SHTN1: variants seen among roughly 807,000 people sequenced by gnomAD.
The protein encoded by SHTN1 is shootin-1.
SHTN1 carries 42 observed loss-of-function variants against 83.1 expected under a neutral mutation model. That is an observed-to-expected ratio of 0.51 (90% CI 0.39 to 0.65). The LOEUF (loss-of-function observed/expected upper bound fraction) is 0.65. Among genes scored for constraint, SHTN1 ranks in the 30% least tolerant of loss-of-function variants. SHTN1 has a pLI of 0.00. For synonymous variants in SHTN1, 224 were observed against 247.7 expected, an observed-to-expected ratio of 0.90 and a Z score of 0.90; for missense variants, 622 against 737.8, an observed-to-expected ratio of 0.84 and a Z score of 1.82.
chr10:117,104,727 T>C (rs946995002), intron 1 of SHTN1, among the ~76,000 whole-genome samples: 1 of 152,112 alleles, frequency 6.6e-6, no homozygotes, highest in African/African-American at 2.4e-5. Flanking sequence ...TGAGCCGAGA[T>C]CGCGCCACTG....
intron 2 of SHTN1, among the ~76,000 whole-genome samples, chr10:117,012,570 C>T (rs1024717711): frequency 6.6e-6 from 1 of 151,698 alleles, no homozygotes; most frequent in Non-Finnish European, 1.5e-5. Context: ...AAAAAGGAGC[C>T]GCAACACATG....
At chr10:116,944,144 A>G (rs1317014818) in intron 8 of SHTN1, among the ~76,000 whole-genome samples, 1 of 152,186 alleles carries the variant, frequency 6.6e-6, no homozygotes, top group Non-Finnish European at 1.5e-5. Context: ...TGATACCATA[A>G]TACTGTTATC....
rs181310547 is a variant in SHTN1 at position 117,023,426 on chromosome 10, T to C, written c.-123+25019A>G. On this transcript the variant is annotated intron_variant, in intron 2 of 17. Coordinates refer to the SHTN1 transcript ENST00000392901. ...TTTAAGGACATGCATACCAGACATA[T>C]ATATATGAAATTCTCTGAATGTGCA... is the stretch of plus-strand genomic sequence containing the variant. 1.2e-3 allele frequency among the ~76,000 whole-genome samples: 182 copies of C among 152,308 alleles called. 1 individual carries two copies. Among genetic ancestry groups the C allele is most frequent in the African/African-American group, 4.2e-3 (174 of 41,566 alleles).
intron 2 of SHTN1, among the ~76,000 whole-genome samples, chr10:117,035,483 T>A (rs1318662068): frequency 6.6e-6 from 1 of 151,694 alleles, no homozygotes; most frequent in Non-Finnish European, 1.5e-5. Context: ...AATAAACAAA[T>A]GGAATCACAA....
intron 9 of SHTN1, among the ~76,000 whole-genome samples, chr10:116,933,681 C>A (rs775974175): frequency 1.3e-5 from 2 of 151,992 alleles, no homozygotes; most frequent in African/African-American, 4.8e-5. Context: ...GGGTATATAC[C>A]CAGTAATGGG....
chr10:116,968,800 G>T, intron 2 of SHTN1, 88 bp from the exon 3 acceptor site: 1 of 983,386 alleles, frequency 1.0e-6, no homozygotes, highest in Non-Finnish European at 1.5e-6. Flanking sequence ...ATAAACAACA[G>T]CAATTTTCTG....
At chr10:116,991,803 C>T (rs775865485) in intron 1 of SHTN1, among the ~76,000 whole-genome samples, 5 of 152,112 alleles carry the variant, frequency 3.3e-5, no homozygotes, top group Non-Finnish European at 5.9e-5. Flanking sequence ...TCTTTCTCTC[C>T]TAAGCTAAAA....
chr10:116,915,365 C>T lies in SHTN1; in HGVS notation c.1305+10G>A, dbSNP rs1250304533. The T allele has an allele frequency of 5.1e-6, 7 of 1,368,932 alleles. No individual in the cohort carries two copies. Among genetic ancestry groups the T allele is most frequent in the African/African-American group, 2.9e-5 (2 of 69,180 alleles). The allele number at this position is 1,368,932 out of a possible 1,614,324, so 84.8% of individuals were successfully genotyped here. A position where few individuals can be genotyped will look rare whatever the true frequency, so the allele number is the denominator to read the frequency against. On this transcript the variant is annotated intron_variant, in intron 13 of 16. Coordinates refer to ENST00000355371, the MANE Select transcript of SHTN1 (RefSeq NM_001127211.3). ...TCAAACAGGGAAAAAAGCATTCAGT[C>T]ACTCCATACCTTTGTCTTCGGTCTG...
chr10:117,116,976 C>T (rs997529207), intron 1 of SHTN1, among the ~76,000 whole-genome samples: 5 of 152,042 alleles, frequency 3.3e-5, no homozygotes, highest in African/African-American at 9.7e-5. Flanking sequence ...AACTGAAGGC[C>T]TTTCCTCTAA....
intron 7 of SHTN1, among the ~76,000 whole-genome samples, chr10:116,947,407 A>T (rs868006344): frequency 6.6e-6 from 1 of 152,220 alleles, no homozygotes; most frequent in African/African-American, 2.4e-5. Flanking sequence ...ATCCTAACTG[A>T]CTTAAGGACT....
At chr10:116,892,369 G>A (rs1847365029) in intron 16 of SHTN1, among the ~76,000 whole-genome samples, 1 of 152,162 alleles carries the variant, frequency 6.6e-6, no homozygotes, top group Non-Finnish European at 1.5e-5. Context: ...CTCGGCCAAA[G>A]ATTCTGAAAT....
At chr10:116,996,163 G>A (rs914541007) in intron 1 of SHTN1, among the ~76,000 whole-genome samples, 1 of 152,056 alleles carries the variant, frequency 6.6e-6, no homozygotes, top group Admixed American at 6.6e-5. Context: ...GTGTGAGAGA[G>A]GAAAAATATT....
chr10:116,897,283 T>C (rs1018641453), intron 16 of SHTN1, among the ~76,000 whole-genome samples: 10 of 152,200 alleles, frequency 6.6e-5, no homozygotes. Context: ...TTATTTTACA[T>C]TTCTGGGTTT....
intron 2 of SHTN1, among the ~76,000 whole-genome samples, chr10:117,035,479 C>G (rs1852481083): frequency 6.6e-6 from 1 of 151,998 alleles, no homozygotes; most frequent in Non-Finnish European, 1.5e-5. Context: ...CACAAATAAA[C>G]AAATGGAATC....
At chr10:117,118,567 G>C (rs774253902) in intron 1 of SHTN1, among the ~76,000 whole-genome samples, 54 of 152,082 alleles carry the variant, frequency 3.6e-4, no homozygotes, top group Non-Finnish European at 6.9e-4. Flanking sequence ...CAAAAGAAAG[G>C]AAATCAATAC....
intron 1 of SHTN1, among the ~76,000 whole-genome samples, chr10:117,079,846 T>A (rs1834446560): frequency 1.3e-5 from 2 of 148,834 alleles, no homozygotes; most frequent in African/African-American, 2.5e-5. Context: ...TTTTGAGAAG[T>A]GTCTGTTCAT....
intron 1 of SHTN1, among the ~76,000 whole-genome samples, chr10:117,076,671 T>C (rs990000226): frequency 6.6e-5 from 10 of 152,234 alleles, no homozygotes; most frequent in African/African-American, 2.4e-4. Context: ...TCGAAAGTTA[T>C]TTTGAATCTC....
intron 1 of SHTN1, among the ~76,000 whole-genome samples, chr10:117,062,495 T>C (rs1267937335): frequency 6.6e-6 from 1 of 152,150 alleles, no homozygotes; most frequent in Admixed American, 6.5e-5. Context: ...ATGCTATAAT[T>C]GTAGGAGCAC....
chr10:117,011,805 AAG>A (rs989898724), intron 2 of SHTN1, among the ~76,000 whole-genome samples: 1 of 152,198 alleles, frequency 6.6e-6, no homozygotes, highest in African/African-American at 2.4e-5. Flanking sequence ...AAAAAAATCA[AAG>A]AGTATCTAAA....
Sources: gnomAD v4.1 joint callset for allele counts (sites outside exome capture counted in the v4.1 genomes callset) on GRCh38, gnomAD v4.1.1 for gene constraint, MANE v1.5 for transcripts, NCBI Gene and HGNC (gene_info 2026-07-23, HGNC 2026-07-21) for gene names.